HORMAD2: variants seen among roughly 807,000 people sequenced by gnomAD.
The protein encoded by HORMAD2 is HORMA domain-containing protein 2.
HORMAD2 carries 45 observed loss-of-function variants against 38.8 expected under a neutral mutation model. That is an observed-to-expected ratio of 1.16 (90% CI 0.91 to 1.49). The LOEUF (loss-of-function observed/expected upper bound fraction) is 1.49. HORMAD2 is among the 40% of genes most tolerant of loss of function. The pLI is 0.00. For missense variants in HORMAD2, 338 were observed against 367.0 expected, an observed-to-expected ratio of 0.92 and a Z score of 0.65; for synonymous variants, 126 against 122.8, an observed-to-expected ratio of 1.03 and a Z score of -0.17.
the HORMAD2 span, among the ~76,000 whole-genome samples, chr22:30,205,172 C>A: frequency 6.6e-6 from 1 of 152,164 alleles, no homozygotes; most frequent in Non-Finnish European, 1.5e-5. Context: ...CTTAAAACAA[C>A]TCCAGAGGTG....
upstream of HORMAD2, among the ~76,000 whole-genome samples, chr22:30,078,607 C>CAAAAAAAAAAAAAAAAAAAA (rs55966787): frequency 1.4e-4 from 4 of 28,098 alleles, no homozygotes; most frequent in African/African-American, 3.0e-4. Flanking sequence ...CTCTGTCTCA[C>CAAAAAAAAAAAAAAAAAAAA]AAAAAAAAAA....
chr22:30,190,656 G>C, the HORMAD2 span, among the ~76,000 whole-genome samples: 2 of 152,164 alleles, frequency 1.3e-5, no homozygotes, highest in African/African-American at 4.8e-5. Context: ...AGGCTAGAAA[G>C]ACACTTTGGA....
At chr22:30,162,917 G>T (rs1032251350) in intron 10 of HORMAD2, among the ~76,000 whole-genome samples, 3 of 151,988 alleles carry the variant, frequency 2.0e-5, no homozygotes, top group African/African-American at 4.8e-5. Flanking sequence ...GGCCAGGCTG[G>T]TCTTGAACTC....
chr22:30,116,126 A>G (rs1304054017), intron 7 of HORMAD2, among the ~76,000 whole-genome samples: 2 of 152,306 alleles, frequency 1.3e-5, no homozygotes, highest in Middle Eastern at 3.4e-3. Context: ...CACATGTTCC[A>G]GAATATAGCT....
the HORMAD2 span, among the ~76,000 whole-genome samples, chr22:30,205,928 C>T: frequency 6.6e-6 from 1 of 152,148 alleles, no homozygotes; most frequent in Admixed American, 6.5e-5. Context: ...ACTTTTGCAG[C>T]CTTTGTCCTG....
intron 8 of HORMAD2, among the ~76,000 whole-genome samples, chr22:30,119,818 G>A (rs1922312041): frequency 6.6e-6 from 1 of 152,102 alleles, no homozygotes; most frequent in African/African-American, 2.4e-5. Context: ...CCTACTATTA[G>A]CTCTGGCTCA....
intron 3 of HORMAD2, among the ~76,000 whole-genome samples, chr22:30,101,627 G>A (rs867734609): frequency 1.3e-5 from 2 of 150,604 alleles, no homozygotes; most frequent in South Asian, 2.1e-4. Flanking sequence ...TTGTTGACTT[G>A]TCACTAAAAT....
chr22:30,136,793 C>A, intron 10 of HORMAD2: 1 of 222,338 alleles, frequency 4.5e-6, no homozygotes, highest in Non-Finnish European at 9.1e-6. Context: ...TGAGTTTTCC[C>A]AATTCAAACT....
chr22:30,140,160 G>T (rs993193475), intron 10 of HORMAD2, among the ~76,000 whole-genome samples: 1 of 152,038 alleles, frequency 6.6e-6, no homozygotes, highest in Non-Finnish European at 1.5e-5. Context: ...GCTACTTGGG[G>T]GGCTGAGGCA....
At chr22:30,154,216 A>T (rs113879053) in intron 10 of HORMAD2, among the ~76,000 whole-genome samples, 1 of 152,364 alleles carries the variant, frequency 6.6e-6, no homozygotes, top group South Asian at 2.1e-4. Context: ...GATAGGTTAG[A>T]AAAGAATAAG....
At chr22:30,149,575 T>A (rs539337557) in intron 10 of HORMAD2, among the ~76,000 whole-genome samples, 12 of 152,350 alleles carry the variant, frequency 7.9e-5, no homozygotes, top group Middle Eastern at 3.4e-3. Context: ...TGACCAAATC[T>A]GGATGTTTGC....
chr22:30,185,153 T>C, the HORMAD2 span, among the ~76,000 whole-genome samples: 1 of 152,136 alleles, frequency 6.6e-6, no homozygotes, highest in African/African-American at 2.4e-5. Context: ...GGCTCTGGGA[T>C]AGTTTGGAGG....
chr22:30,139,955 C>CTG (rs36099958), intron 10 of HORMAD2, among the ~76,000 whole-genome samples: 10,915 of 150,206 alleles, frequency 0.073, 912 homozygotes, highest in African/African-American at 0.21. Flanking sequence ...GTACGTGTAT[C>CTG]TGTGTGTGTG....
At chr22:30,117,399 T>C (rs1367716853) in intron 7 of HORMAD2, among the ~76,000 whole-genome samples, 1 of 152,160 alleles carries the variant, frequency 6.6e-6, no homozygotes, top group East Asian at 1.9e-4. Context: ...GGGCCAAACA[T>C]TTGCTTCAAC....
At chr22:30,099,087 C>A in intron 3 of HORMAD2, 94 bp downstream of exon 3, 2 of 1,099,102 alleles carry the variant, frequency 1.8e-6, no homozygotes, top group East Asian at 2.6e-5. Flanking sequence ...TGTGCTAATT[C>A]CAACTTAAGG....
intron 10 of HORMAD2, among the ~76,000 whole-genome samples, chr22:30,139,277 T>C (rs1923900074): frequency 7.2e-6 from 1 of 139,710 alleles, no homozygotes; most frequent in African/African-American, 2.6e-5. Flanking sequence ...TATATATATA[T>C]ATATATATAT....
intron 10 of HORMAD2, among the ~76,000 whole-genome samples, chr22:30,138,053 A>G (rs1031654820): frequency 1.3e-5 from 2 of 152,130 alleles, no homozygotes; most frequent in African/African-American, 4.8e-5. Context: ...ATTTCTCCAC[A>G]TCCTTACCAG....
At chr22:30,117,130 T>C (rs1185404893) in intron 7 of HORMAD2, among the ~76,000 whole-genome samples, 1 of 152,266 alleles carries the variant, frequency 6.6e-6, no homozygotes, top group African/African-American at 2.4e-5. Context: ...TTAAGCATCA[T>C]GAGCCAATTT....
At chr22:30,106,502 T>C (rs1248710671) in intron 5 of HORMAD2, among the ~76,000 whole-genome samples, 1 of 152,012 alleles carries the variant, frequency 6.6e-6, no homozygotes, top group African/African-American at 2.4e-5. Context: ...TGAGAGAAAA[T>C]AGCCTCTGAG....
Sources: allele counts gnomAD v4.1 joint callset (sites outside exome capture counted in the v4.1 genomes callset), GRCh38; gene constraint gnomAD v4.1.1; transcripts MANE v1.5; gene names NCBI Gene and HGNC (gene_info 2026-07-23, HGNC 2026-07-21).